CEP128: variants seen among roughly 807,000 people sequenced by gnomAD.
The protein encoded by CEP128 is centrosomal protein 128kDa.
In CEP128, 132 loss-of-function variants were observed where a neutral mutation model predicts 156.7. That is an observed-to-expected ratio of 0.84 (90% CI 0.73 to 0.97). The LOEUF (loss-of-function observed/expected upper bound fraction) is 0.97. Among genes scored for constraint, CEP128 ranks in the 50% least tolerant of loss-of-function variants. The pLI is 0.00. For synonymous variants in CEP128, 469 were observed against 448.9 expected (o/e 1.04, Z -0.57); for missense variants, 1,252 against 1,281.9 (o/e 0.98, Z 0.36).
intron 13 of CEP128, chr14:80,822,641 A>C: frequency 1.3e-6 from 1 of 743,450 alleles, no homozygotes; most frequent in Non-Finnish European, 2.5e-6. Flanking sequence ...GCCAGAACCC[A>C]AGCGTAAAAA....
At chr14:80,511,062 T>TC (rs1888226366) in intron 23 of CEP128, among the ~76,000 whole-genome samples, 1 of 151,084 alleles carries the variant, frequency 6.6e-6, no homozygotes, top group African/African-American at 2.4e-5. Flanking sequence ...GGTTTTTTTT[T>TC]TCCTTTTTTT....
downstream of CEP128, among the ~76,000 whole-genome samples, chr14:80,495,089 A>C (rs894690059): frequency 1.3e-5 from 2 of 152,178 alleles, no homozygotes; most frequent in Non-Finnish European, 2.9e-5. Context: ...GTCAACCTTC[A>C]AATTAAGTAT....
At chr14:80,662,960 C>T (rs944264893) in intron 19 of CEP128, among the ~76,000 whole-genome samples, 1 of 152,198 alleles carries the variant, frequency 6.6e-6, no homozygotes, top group African/African-American at 2.4e-5. Context: ...AATAGTCACT[C>T]GTGGCCAGTT....
chr14:80,953,449 G>C (rs982936383), intron 2 of CEP128, among the ~76,000 whole-genome samples: 5 of 152,198 alleles, frequency 3.3e-5, no homozygotes, highest in Non-Finnish European at 7.3e-5. Flanking sequence ...ACCGGGCGTG[G>C]TGGCGGGCGC....
At chr14:80,651,459 C>A (rs1340862454) in intron 19 of CEP128, among the ~76,000 whole-genome samples, 1 of 152,018 alleles carries the variant, frequency 6.6e-6, no homozygotes, top group African/African-American at 2.4e-5. Flanking sequence ...CTTCTGCTAG[C>A]TTTTGAATTT....
chr14:80,590,760 T>C lies in CEP128; in HGVS notation c.2807-10337A>G, dbSNP rs551080706. On this transcript the variant is annotated intron_variant, in intron 19 of 24. Coordinates refer to ENST00000555265, the MANE Select transcript of CEP128 (RefSeq NM_152446.5). ...GCAAAAATTGTAACAATATCTTATG[T>C]GCTCCTAAAAGTATTTAGAGGGAAC... 2.8e-4 allele frequency among the ~76,000 whole-genome samples: 43 copies of C among 152,208 alleles called. 1 individual carries two copies. The South Asian group carries it at 8.9e-3, about 32-fold the overall frequency.
At chr14:80,725,961 T>A (rs1296197859) in intron 19 of CEP128, among the ~76,000 whole-genome samples, 1 of 152,226 alleles carries the variant, frequency 6.6e-6, no homozygotes, top group Non-Finnish European at 1.5e-5. Flanking sequence ...TTACCTTGAA[T>A]AAGGAACAAG....
chr14:80,498,056 CTG>C (rs1408065651), intron 24 of CEP128, among the ~76,000 whole-genome samples: 1 of 152,200 alleles, frequency 6.6e-6, no homozygotes, highest in Non-Finnish European at 1.5e-5. Flanking sequence ...ATCCAACTGT[CTG>C]TGTGAAATCT....
At chr14:80,586,161 A>G (rs1440146378) in intron 19 of CEP128, among the ~76,000 whole-genome samples, 1 of 152,162 alleles carries the variant, frequency 6.6e-6, no homozygotes, top group Non-Finnish European at 1.5e-5. Context: ...GAAATCATAT[A>G]TACTTTCTAA....
chr14:80,784,439 C>T (rs1008191567), intron 15 of CEP128, among the ~76,000 whole-genome samples: 35 of 152,064 alleles, frequency 2.3e-4, no homozygotes, highest in African/African-American at 8.5e-4. Context: ...ACCCAGGCAA[C>T]TTTGATTTGG....
At chr14:80,895,890 T>C in intron 7 of CEP128, 100 bp from the exon 8 acceptor site, 1 of 848,876 alleles carries the variant, frequency 1.2e-6, no homozygotes, top group Non-Finnish European at 1.7e-6. Context: ...TACAAAATAT[T>C]CTACTTTAGT....
intron 19 of CEP128, among the ~76,000 whole-genome samples, chr14:80,667,189 A>G (rs1245344661): frequency 6.6e-6 from 1 of 152,212 alleles, no homozygotes; most frequent in African/African-American, 2.4e-5. Flanking sequence ...GGTTAAAGCC[A>G]GGAGCTTCAG....
chr14:80,547,380 C>T (rs78873456), intron 21 of CEP128, among the ~76,000 whole-genome samples: 4 of 152,194 alleles, frequency 2.6e-5, no homozygotes, highest in African/African-American at 7.2e-5. Context: ...GCGTTCTTTA[C>T]GCATATCTTC....
chr14:80,822,496 C>A, intron 13 of CEP128: 4 of 608,876 alleles, frequency 6.6e-6, no homozygotes, highest in South Asian at 2.8e-5. Context: ...CTGCATCCCG[C>A]GTCCACCACC....
At chr14:80,856,888 A>G (rs1229229778) in intron 9 of CEP128, among the ~76,000 whole-genome samples, 1 of 150,844 alleles carries the variant, frequency 6.6e-6, no homozygotes, top group Non-Finnish European at 1.5e-5. Context: ...GCACCACCAC[A>G]CTAATTTTTT....
intron 13 of CEP128, among the ~76,000 whole-genome samples, chr14:80,813,297 G>A (rs185274234): frequency 1.3e-5 from 2 of 152,240 alleles, no homozygotes; most frequent in Admixed American, 6.5e-5. Context: ...CAGGGCTTAC[G>A]TACATGATTG....
At chr14:80,595,163 T>C (rs1171525558) in intron 19 of CEP128, among the ~76,000 whole-genome samples, 1 of 152,176 alleles carries the variant, frequency 6.6e-6, no homozygotes, top group Non-Finnish European at 1.5e-5. Context: ...TGAGTTCATG[T>C]CTTTGCAGGG....
chr14:80,533,080 A>T (rs1889304455), intron 21 of CEP128, among the ~76,000 whole-genome samples: 1 of 152,196 alleles, frequency 6.6e-6, no homozygotes, highest in South Asian at 2.1e-4. Flanking sequence ...TGTAGGAAAG[A>T]TTCATCAAAA....
chr14:80,548,149 AAAT>A (rs1179095681), intron 21 of CEP128, among the ~76,000 whole-genome samples: 1 of 152,124 alleles, frequency 6.6e-6, no homozygotes, highest in Non-Finnish European at 1.5e-5. Flanking sequence ...CATGAAAAAA[AAAT>A]AATAATAATT....
Sources: gnomAD v4.1 joint callset for allele counts (sites outside exome capture counted in the v4.1 genomes callset) on GRCh38, gnomAD v4.1.1 for gene constraint, MANE v1.5 for transcripts, NCBI Gene and HGNC (gene_info 2026-07-23, HGNC 2026-07-21) for gene names.